The following ROBO2 variants were observed in gnomAD, a reference collection of about 807,000 sequenced individuals.
The protein encoded by ROBO2 is roundabout homolog 2.
Under a neutral mutation model 160.8 loss-of-function variants are expected in ROBO2, and 53 were observed. That is an observed-to-expected ratio of 0.33 (90% CI 0.26 to 0.41). The LOEUF (loss-of-function observed/expected upper bound fraction) is 0.41. ROBO2 is among the 10% of genes least tolerant of loss of function. The pLI is 1.00. For missense variants in ROBO2, 1,577 were observed against 1,722.4 expected, an observed-to-expected ratio of 0.92 and a Z score of 1.49; for synonymous variants, 664 against 611.7, an observed-to-expected ratio of 1.09 and a Z score of -1.26.
intron 2 of ROBO2, among the ~76,000 whole-genome samples, chr3:76,252,113 C>T (rs1369079697): frequency 1.3e-5 from 2 of 151,934 alleles, no homozygotes; most frequent in African/African-American, 4.8e-5. Flanking sequence ...ATAAGCAATT[C>T]ATGAGGTATC....
chr3:76,873,582 C>T (rs114516584), intron 2 of ROBO2, among the ~76,000 whole-genome samples: 18 of 152,140 alleles, frequency 1.2e-4, no homozygotes, highest in African/African-American at 4.3e-4. Context: ...TAGTCGTCGT[C>T]GTCGTCGTTG....
intron 2 of ROBO2, among the ~76,000 whole-genome samples, chr3:77,291,879 T>C (rs1451526350): frequency 6.6e-6 from 1 of 151,558 alleles, no homozygotes; most frequent in African/African-American, 2.4e-5. Context: ...AAAGTAAAAT[T>C]GATGGATAAA....
chr3:76,011,567 A>T (rs1475155391), intron 2 of ROBO2, among the ~76,000 whole-genome samples: 1 of 152,154 alleles, frequency 6.6e-6, no homozygotes, highest in East Asian at 1.9e-4. Context: ...AAGCATTCAG[A>T]TCTGTATTCA....
At chr3:76,095,749 G>GAC (rs59290141) in intron 2 of ROBO2, among the ~76,000 whole-genome samples, 1,907 of 148,008 alleles carry the variant, frequency 0.013, 16 homozygotes, top group East Asian at 0.037. Context: ...TAGTATGCTT[G>GAC]ACACACACAC....
intron 2 of ROBO2, among the ~76,000 whole-genome samples, chr3:76,902,626 G>C (rs748097643): frequency 1.3e-5 from 2 of 152,030 alleles, no homozygotes; most frequent in Non-Finnish European, 2.9e-5. Flanking sequence ...CAACTTGTTA[G>C]ATTAATTCCA....
At chr3:77,238,369 A>G (rs928023252) in intron 2 of ROBO2, among the ~76,000 whole-genome samples, 6 of 152,090 alleles carry the variant, frequency 3.9e-5, no homozygotes, top group Admixed American at 2.0e-4. Context: ...TATGTTTTAC[A>G]TTTAGGTCTG....
intron 2 of ROBO2, among the ~76,000 whole-genome samples, chr3:77,339,243 A>C: frequency 6.6e-6 from 1 of 152,078 alleles, no homozygotes; most frequent in East Asian, 1.9e-4. Context: ...TGAGGATTAG[A>C]GTTAGAAGTT....
chr3:77,636,306 A>C (rs1233523885), intron 24 of ROBO2, among the ~76,000 whole-genome samples: 1 of 152,118 alleles, frequency 6.6e-6, no homozygotes, highest in East Asian at 1.9e-4. Context: ...TAAGAAAAGT[A>C]GAATAGGCCA....
intron 2 of ROBO2, among the ~76,000 whole-genome samples, chr3:76,836,955 T>A (rs2067751776): frequency 6.6e-6 from 1 of 151,842 alleles, no homozygotes; most frequent in Admixed American, 6.6e-5. Flanking sequence ...GTCAATATGC[T>A]CTATCAGTTA....
intron 2 of ROBO2, among the ~76,000 whole-genome samples, chr3:76,061,321 C>A (rs2068063753): frequency 6.6e-6 from 1 of 152,152 alleles, no homozygotes; most frequent in Non-Finnish European, 1.5e-5. Context: ...TTAGGAAATG[C>A]ATCACATTTC....
intron 2 of ROBO2, among the ~76,000 whole-genome samples, chr3:77,325,702 T>C (rs1393165963): frequency 6.6e-6 from 1 of 152,232 alleles, no homozygotes; most frequent in Non-Finnish European, 1.5e-5. Context: ...TATTGTTAAG[T>C]AATCTTTTGT....
chr3:76,614,237 C>T (rs2109122108), intron 2 of ROBO2, among the ~76,000 whole-genome samples: 2 of 152,076 alleles, frequency 1.3e-5, no homozygotes, highest in Admixed American at 1.3e-4. Flanking sequence ...GCTTTCTCTC[C>T]CTTCATGTCA....
intron 2 of ROBO2, among the ~76,000 whole-genome samples, chr3:76,296,906 A>T (rs532932037): frequency 6.6e-6 from 1 of 152,364 alleles, no homozygotes; most frequent in South Asian, 2.1e-4. Flanking sequence ...CTAAAGTTAC[A>T]TTAATAGCTC....
intron 2 of ROBO2, among the ~76,000 whole-genome samples, chr3:76,165,020 G>C (rs1168359942): frequency 6.6e-6 from 1 of 151,692 alleles, no homozygotes; most frequent in Non-Finnish European, 1.5e-5. Context: ...GCCAAGAAAA[G>C]AAATGTATAA....
intron 2 of ROBO2, among the ~76,000 whole-genome samples, chr3:76,873,030 C>G (rs1439195674): frequency 1.3e-5 from 2 of 151,994 alleles, no homozygotes; most frequent in Admixed American, 6.6e-5. Context: ...ATATATTTTA[C>G]AAAAATAGAA....
At chr3:77,159,183 T>G (rs772698044) in intron 2 of ROBO2, among the ~76,000 whole-genome samples, 6 of 152,132 alleles carry the variant, frequency 3.9e-5, no homozygotes, top group Non-Finnish European at 7.4e-5. Flanking sequence ...GCTCCTATTC[T>G]CATTAGGGTC....
intron 2 of ROBO2, among the ~76,000 whole-genome samples, chr3:77,379,003 A>G (rs2073078070): frequency 6.6e-6 from 1 of 150,946 alleles, no homozygotes; most frequent in Non-Finnish European, 1.5e-5. Flanking sequence ...GCTGGAGTGC[A>G]ATGGCGTGAT....
At chr3:75,983,893 G>C (rs571951932) in intron 2 of ROBO2, among the ~76,000 whole-genome samples, 1 of 151,364 alleles carries the variant, frequency 6.6e-6, no homozygotes, top group Admixed American at 6.6e-5. Flanking sequence ...AACTAGTTTC[G>C]TTTGTCTTAT....
At chr3:76,074,644 A>G (rs2068583505) in intron 2 of ROBO2, among the ~76,000 whole-genome samples, 2 of 152,242 alleles carry the variant, frequency 1.3e-5, no homozygotes, top group Non-Finnish European at 2.9e-5. Flanking sequence ...AGATGGATCC[A>G]TATGTTAGGT....
Sources: allele counts gnomAD v4.1 joint callset (sites outside exome capture counted in the v4.1 genomes callset), GRCh38; gene constraint gnomAD v4.1.1; transcripts MANE v1.5; gene names NCBI Gene and HGNC (gene_info 2026-07-23, HGNC 2026-07-21).